MAL: variants seen among roughly 807,000 people sequenced by gnomAD.
MAL encodes the protein myelin and lymphocyte protein.
Under a neutral mutation model 16.7 loss-of-function variants are expected in MAL, and 5 were observed. The observed-to-expected ratio is 0.30, with a 90% CI of 0.16 to 0.63. The LOEUF (loss-of-function observed/expected upper bound fraction) is 0.63. Among genes scored for constraint, MAL ranks in the 30% least tolerant of loss-of-function variants. The pLI is 0.82. For missense variants in MAL, 202 were observed against 195.8 expected (o/e 1.03, Z -0.19); for synonymous variants, 96 against 85.5 (o/e 1.12, Z -0.67).
intron 3 of MAL, among the ~76,000 whole-genome samples, chr2:95,052,730 C>T (rs555411967): frequency 9.2e-5 from 14 of 152,302 alleles, no homozygotes; most frequent in Admixed American, 2.6e-4. Context: ...GCAGGGCCAT[C>T]GCTCCAAGGG....
rs772914357 is a variant in MAL at position 95,049,679 on chromosome 2, G to C, written c.360G>C (p.Arg120Ser). 1.2e-6 allele frequency: 2 copies of C among 1,614,172 alleles called. No homozygotes were observed. The highest frequency in any genetic ancestry group is 2.2e-5 in the South Asian group (2 of 91,078). Reference protein sequence around the residue: ...TITMQDGFTYRHYHENIAAVV... With the variant: ...TITMQDGFTYSHYHENIAAVV... ...CGATGCAAGACGGCTTCACCTACAG[G>C]CACTACCATGAAAACATTGCTGCCG... The change falls in exon 3 of 4, where the codon AGG becomes AGC. Residue 120 changes from arginine (R) to serine (S), a missense_variant. Coordinates refer to ENST00000309988, the MANE Select transcript of MAL (RefSeq NM_002371.4).
At chr2:95,036,064 G>A (rs1308595857) in intron 1 of MAL, among the ~76,000 whole-genome samples, 1 of 152,198 alleles carries the variant, frequency 6.6e-6, no homozygotes, top group Non-Finnish European at 1.5e-5. Context: ...GATTAGATAA[G>A]GAACACTGTC....
intron 1 of MAL, among the ~76,000 whole-genome samples, chr2:95,038,732 CTGAG>C (rs759881984): frequency 1.6e-5 from 2 of 128,210 alleles, no homozygotes; most frequent in Admixed American, 7.8e-5. Context: ...GAGTAAGAGA[CTGAG>C]TGAGTAAGTG....
chr2:95,044,179 G>A (rs1674531844), intron 1 of MAL: 1 of 152,246 alleles, frequency 6.6e-6, no homozygotes, highest in African/African-American at 2.4e-5. Context: ...TCCATATGTT[G>A]AATGATTCCA....
chr2:95,043,775 C>T (rs1415571152), intron 1 of MAL, among the ~76,000 whole-genome samples: 1 of 152,216 alleles, frequency 6.6e-6, no homozygotes, highest in Non-Finnish European at 1.5e-5. Flanking sequence ...CCCCAGATGG[C>T]CCCTGTGACC....
intron 1 of MAL, among the ~76,000 whole-genome samples, chr2:95,031,354 A>C (rs1674073332): frequency 6.6e-6 from 1 of 152,150 alleles, no homozygotes; most frequent in Non-Finnish European, 1.5e-5. Flanking sequence ...GCTCAGGACC[A>C]CTGGGAAGCT....
Position 95,025,844 on chromosome 2 carries a change from G to T in MAL, c.52G>T (p.Val18Phe). The stretch of plus-strand genomic sequence containing the variant: ...CAGCACCCTGCCCAGTGGCTTCTCG[G>T]TCTTCACCACCTTGCCCGACTTGCT... ...GGSTLPSGFSVFTTLPDLLFI... is the reference protein window; with the variant it reads ...GGSTLPSGFSFFTTLPDLLFI... The change falls in exon 1 of 4, where the codon GTC becomes TTC. Residue 18 changes from valine (V) to phenylalanine (F), a missense_variant. Coordinates refer to ENST00000309988, the MANE Select transcript of MAL (RefSeq NM_002371.4). This position sits in a 1 kb window ranked among gnomAD's most constrained non-coding sequence, Gnocchi z 5.6. The T allele has an allele frequency of 6.3e-7, 1 of 1,580,176 alleles. No homozygotes were observed. Among genetic ancestry groups the T allele is most frequent in the Non-Finnish European group, 8.6e-7 (1 of 1,164,084 alleles).
Position 95,025,899 on chromosome 2 carries a change from G to A in MAL, c.93+14G>A. On this transcript the variant is annotated intron_variant, in intron 1 of 3. Transcript: ENST00000309988. The surrounding 1 kb of genome is among the most constrained non-coding windows in gnomAD (Gnocchi z 5.6). ...ATCTTTGAGTTTGTGAGTGGCTCCT[G>A]GCCGGGGAAGGGACGGGGTGGGCTG... 6.5e-7 allele frequency: 1 copy of A among 1,542,884 alleles called. No individual in the cohort carries two copies. The highest frequency in any genetic ancestry group is 8.7e-7 in the Non-Finnish European group (1 of 1,143,204).
chr2:95,052,665 G>C (rs1452508059), intron 3 of MAL, among the ~76,000 whole-genome samples: 1 of 152,170 alleles, frequency 6.6e-6, no homozygotes, highest in African/African-American at 2.4e-5. Context: ...GGCCTTCAGG[G>C]AGTAGGGTGA....
chr2:95,025,788 C>T lies in MAL; in HGVS notation c.-5C>T. 1 of 1,538,904 alleles carries T rather than the reference C, an allele frequency of 6.5e-7. No individual in the cohort carries two copies. The highest frequency in any genetic ancestry group is 8.8e-7 in the Non-Finnish European group (1 of 1,141,720). On this transcript the variant is annotated 5_prime_UTR_variant, in exon 1 of 4. Transcript: ENST00000309988. The surrounding 1 kb of genome is among the most constrained non-coding windows in gnomAD (Gnocchi z 5.6). Reference sequence around the variant, plus strand: ...CCGTCCCAAGGCCGACGCCAGCACGCCGTCATGGCCCCCGCAGCGGCGACG... The same window carrying T: ...CCGTCCCAAGGCCGACGCCAGCACGTCGTCATGGCCCCCGCAGCGGCGACG...
intron 1 of MAL, among the ~76,000 whole-genome samples, chr2:95,030,463 A>G (rs1674051249): frequency 6.6e-6 from 1 of 152,176 alleles, no homozygotes; most frequent in Non-Finnish European, 1.5e-5. Flanking sequence ...TCTCCATTCT[A>G]AGCCAGGGAC....
chr2:95,039,198 G>A (rs557214733), intron 1 of MAL, among the ~76,000 whole-genome samples: 36 of 151,536 alleles, frequency 2.4e-4, no homozygotes, highest in African/African-American at 8.2e-4. Flanking sequence ...GTGAGTGACT[G>A]AGTGAGTGAC....
chr2:95,034,630 GC>G (rs975681972), intron 1 of MAL, among the ~76,000 whole-genome samples: 22 of 152,128 alleles, frequency 1.4e-4, no homozygotes, highest in Admixed American at 7.9e-4. Flanking sequence ...CTCCATCCTG[GC>G]CCCCAGCTGC....
chr2:95,045,814 G>C (rs1322507581), intron 1 of MAL, among the ~76,000 whole-genome samples: 1 of 152,194 alleles, frequency 6.6e-6, no homozygotes, highest in Non-Finnish European at 1.5e-5. Context: ...GTCAGTGCCC[G>C]TTATGGAAAA....
intron 1 of MAL, among the ~76,000 whole-genome samples, chr2:95,042,584 C>A (rs1331856679): frequency 1.3e-5 from 2 of 152,228 alleles, no homozygotes; most frequent in African/African-American, 4.8e-5. Context: ...GATCACCCAG[C>A]CAGCTGTCCC....
At chr2:95,050,581 T>C (rs1343450973) in intron 3 of MAL, among the ~76,000 whole-genome samples, 1 of 152,174 alleles carries the variant, frequency 6.6e-6, no homozygotes, top group Non-Finnish European at 1.5e-5. Context: ...GACCCACAGA[T>C]AGGCTTTAGA....
Position 95,053,554 on chromosome 2 carries a change from GA to G in MAL, c.*105del. On this transcript the variant is annotated 3_prime_UTR_variant, in exon 4 of 4. Transcript: ENST00000309988. ...GAAAACAGAAATGCCCTTGATGGTG[GA>G]AAAAAGAAAACAACCACCCCCCCAC... 2 of 931,144 alleles carry G rather than the reference GA, an allele frequency of 2.1e-6. No individual in the cohort carries two copies. The highest frequency in any genetic ancestry group is 1.7e-6 in the Non-Finnish European group (1 of 593,394). 57.7% of individuals were successfully genotyped at this position (931,144 alleles called of 1,614,324 possible). A position where few individuals can be genotyped will look rare whatever the true frequency, so the allele number is the denominator to read the frequency against.
At chr2:95,031,806 C>T (rs1474207409) in intron 1 of MAL, among the ~76,000 whole-genome samples, 4 of 152,324 alleles carry the variant, frequency 2.6e-5, no homozygotes, top group East Asian at 1.9e-4. Context: ...CCTGATCTTC[C>T]GTGTTTTCTC....
At position 95,039,108 on chromosome 2, in the gene MAL, GTGTC is replaced by G. The variant is rs775693120; in HGVS notation, c.94-8848_94-8845del. 1.3e-3 allele frequency among the ~76,000 whole-genome samples: 59 copies of G among 44,004 alleles called. 2 individuals are homozygous for G. The highest frequency in any genetic ancestry group is 3.0e-3 in the African/African-American group (32 of 10,764). 28.9% of individuals were successfully genotyped at this position (44,004 alleles called of 152,430 possible). Reference sequence around the variant, plus strand: ...AGTGACTGAGTGAGTGAGTGAGTAAGTGTCTGAGTGACTGAGTGAGTGAGTGAGT... The same window carrying G: ...AGTGACTGAGTGAGTGAGTGAGTAAGTGAGTGACTGAGTGAGTGAGTGAGT... On this transcript the variant is annotated intron_variant, in intron 1 of 3. Transcript: ENST00000309988.
Sources: allele counts gnomAD v4.1 joint callset (sites outside exome capture counted in the v4.1 genomes callset), GRCh38; gene constraint gnomAD v4.1.1; non-coding constraint Gnocchi (gnomAD v3.1); transcripts MANE v1.5; gene names NCBI Gene and HGNC (gene_info 2026-07-23, HGNC 2026-07-21).